Variants in PCDHGA2 observed in about 807,000 individuals in gnomAD.
The protein encoded by PCDHGA2 is protocadherin gamma subfamily A, 2.
Under a neutral mutation model 59.2 loss-of-function variants are expected in PCDHGA2, and 40 were observed. The ratio of observed to expected loss-of-function variants is 0.68; its 90% CI spans 0.52 to 0.88. PCDHGA2 has a LOEUF of 0.88. Among genes scored for constraint, PCDHGA2 ranks in the 40% least tolerant of loss-of-function variants. The probability of loss-of-function intolerance (pLI) is 0.00; values close to 1 mark genes in which losing one functional copy is unlikely to be tolerated. For missense variants in PCDHGA2, 1,226 were observed against 1,204.0 expected, an observed-to-expected ratio of 1.02 and a Z score of -0.27; for synonymous variants, 560 against 526.0, an observed-to-expected ratio of 1.06 and a Z score of -0.89.
chr5:141,410,466 G>T (rs536543649), intron 1 of PCDHGA2: 2 of 1,613,908 alleles, frequency 1.2e-6, no homozygotes, highest in South Asian at 1.1e-5. Context: ...TATAATCTGT[G>T]CATTGCACAT....
At chr5:141,362,340 T>C (rs764036848) in intron 1 of PCDHGA2, 2 of 1,614,058 alleles carry the variant, frequency 1.2e-6, no homozygotes, top group African/African-American at 2.7e-5. Flanking sequence ...GCTCCAAGCC[T>C]GGACCTGGGG....
rs753503057 is a variant in PCDHGA2 at position 141,400,154 on chromosome 5, T to A, written c.2424+58759T>A. 8 of 1,614,074 alleles carry A rather than the reference T, an allele frequency of 5.0e-6. 1 individual carries two copies. In the South Asian group the frequency reaches 6.6e-5, roughly 13 times the overall value. On this transcript the variant is annotated intron_variant, in intron 1 of 3. Coordinates refer to ENST00000394576, the MANE Select transcript of PCDHGA2 (RefSeq NM_018915.4). ...CTGCCGGATATCACTGACCGCCCTG[T>A]ACCCTCTGACCCCCAGGCTGAGCTG...
intron 1 of PCDHGA2, chr5:141,389,913 C>A (rs751155354): frequency 6.2e-7 from 1 of 1,614,092 alleles, no homozygotes; most frequent in Non-Finnish European, 8.5e-7. Context: ...CACTGACCGC[C>A]CCGACCCCTC....
At chr5:141,360,942 G>A (rs778562389) in intron 1 of PCDHGA2, 11 of 1,613,828 alleles carry the variant, frequency 6.8e-6, no homozygotes, top group Non-Finnish European at 9.3e-6. Flanking sequence ...CCACCGACCG[G>A]GATGAAGGCA....
chr5:141,371,793 C>T (rs768654364), intron 1 of PCDHGA2: 12 of 1,613,808 alleles, frequency 7.4e-6, no homozygotes, highest in Non-Finnish European at 9.3e-6. Context: ...GAACAATCCG[C>T]CTGGAGCCTC....
At chr5:141,356,046 G>A (rs1760087771) in intron 1 of PCDHGA2, 2 of 1,613,820 alleles carry the variant, frequency 1.2e-6, no homozygotes, top group Admixed American at 1.7e-5. Context: ...ATTCTTTCCG[G>A]AAAGTAAGAG....
chr5:141,431,767 T>G lies in PCDHGA2; in HGVS notation c.2425-63040T>G, dbSNP rs1397063213. On this transcript the variant is annotated intron_variant, in intron 1 of 3. Coordinates refer to ENST00000394576, the MANE Select transcript of PCDHGA2 (RefSeq NM_018915.4). The surrounding 1 kb of genome is among the most constrained non-coding windows in gnomAD (Gnocchi z 4.8). ...CTGCGCGAGCCAAAGTCCTGATCAC[T>G]GTTCTGGACGTGAACGACAATGCCC... The G allele has an allele frequency of 6.2e-7, 1 of 1,614,224 alleles. No individual in the cohort carries two copies.
At position 141,385,291 on chromosome 5, in the gene PCDHGA2, C is replaced by T. The variant is rs375490912; in HGVS notation, c.2424+43896C>T. On this transcript the variant is annotated intron_variant, in intron 1 of 3. Coordinates refer to ENST00000394576, the MANE Select transcript of PCDHGA2 (RefSeq NM_018915.4). ...TTCTTTGCTAACATCCGTAGATTTT[C>T]AGGAATGTAAAGAAAACCTGCCAAG... 1.3e-5 allele frequency: 21 copies of T among 1,613,668 alleles called. No individual in the cohort carries two copies. In the African/African-American group the frequency reaches 2.7e-4, roughly 20 times the overall value.
At chr5:141,389,567 G>A in intron 1 of PCDHGA2, 1 of 1,613,250 alleles carries the variant, frequency 6.2e-7, no homozygotes, top group South Asian at 1.1e-5. Flanking sequence ...CACGGGTGCT[G>A]TACCCCGCGC....
intron 1 of PCDHGA2, chr5:141,357,031 T>C (rs764103688): frequency 2.5e-6 from 4 of 1,613,998 alleles, no homozygotes; most frequent in Non-Finnish European, 3.4e-6. Flanking sequence ...CCTACTCAAG[T>C]CCAGCGAGCC....
intron 1 of PCDHGA2, chr5:141,357,201 C>T: frequency 6.2e-7 from 1 of 1,613,844 alleles, no homozygotes; most frequent in Non-Finnish European, 8.5e-7. Flanking sequence ...TGGCCGACAG[C>T]ATCCCAGATG....
At chr5:141,430,888 T>C (rs1447560622) in intron 1 of PCDHGA2, 5 of 1,605,402 alleles carry the variant, frequency 3.1e-6, no homozygotes, top group Admixed American at 1.7e-5. Context: ...AGAAAGGCTC[T>C]AGGGTGGGCG....
intron 1 of PCDHGA2, among the ~76,000 whole-genome samples, chr5:141,451,717 A>G (rs2098722445): frequency 6.6e-6 from 1 of 152,166 alleles, no homozygotes; most frequent in Non-Finnish European, 1.5e-5. Context: ...CCCTGCCTCT[A>G]CTAAAAATAC....
chr5:141,380,638 T>G (rs1776626783), intron 1 of PCDHGA2, among the ~76,000 whole-genome samples: 1 of 152,254 alleles, frequency 6.6e-6, no homozygotes, highest in Non-Finnish European at 1.5e-5. Context: ...AAAATGTGAA[T>G]GCTAGAGACA....
In PCDHGA2 at chr5:141,476,467, G is replaced by A. The variant is rs375302797; in HGVS notation, c.2425-18340G>A. On this transcript the variant is annotated intron_variant, in intron 1 of 3. Transcript: ENST00000394576. This position sits in a 1 kb window ranked among gnomAD's most constrained non-coding sequence, Gnocchi z 7.6. Reference sequence around the variant, plus strand: ...AGTTGGTAGTGGAGAACCCGCTGGAGCTGTTCAGCGTGGAAGTGGTGATCC... The same window carrying A: ...AGTTGGTAGTGGAGAACCCGCTGGAACTGTTCAGCGTGGAAGTGGTGATCC... The A allele has an allele frequency of 2.3e-5, 37 of 1,614,142 alleles. No individual in the cohort carries two copies. The African/African-American group carries it at 4.5e-4, about 20-fold the overall frequency.
rs775416808 is a variant in PCDHGA2, at chr5:141,429,727, G to A, written c.2425-65080G>A. ...TAAATATTTACGCTCATGAAAGTAC[G>A]TAGCCAGTTATTTCTTAGGGAGAAT... On this transcript the variant is annotated intron_variant, in intron 1 of 3. Transcript: ENST00000394576. 7.2e-5 allele frequency among the ~76,000 whole-genome samples: 11 copies of A among 152,158 alleles called. 1 individual carries two copies. The highest frequency in any genetic ancestry group is 1.9e-4 in the East Asian group (1 of 5,188).
chr5:141,354,299 G>A (rs1393104062), intron 1 of PCDHGA2, among the ~76,000 whole-genome samples: 1 of 152,084 alleles, frequency 6.6e-6, no homozygotes, highest in African/African-American at 2.4e-5. Flanking sequence ...AACATTGAAA[G>A]GTTTCATAAA....
chr5:141,421,680 G>A (rs2096591907), intron 1 of PCDHGA2: 5 of 1,613,758 alleles, frequency 3.1e-6, no homozygotes, highest in Non-Finnish European at 4.2e-6. Context: ...TTCCTGGGGC[G>A]CGATTTGCTC....
At chr5:141,421,184 C>G (rs2096551183) in intron 1 of PCDHGA2, 1 of 1,457,940 alleles carries the variant, frequency 6.9e-7, no homozygotes, top group African/African-American at 1.4e-5. Context: ...CGATTCACAA[C>G]CAACCAGCTC....
Sources: gnomAD v4.1 joint callset for allele counts (sites outside exome capture counted in the v4.1 genomes callset) on GRCh38, gnomAD v4.1.1 for gene constraint, Gnocchi (gnomAD v3.1) non-coding constraint, MANE v1.5 for transcripts, NCBI Gene and HGNC (gene_info 2026-07-23, HGNC 2026-07-21) for gene names.